The following RGMA variants were observed in gnomAD, a reference collection of about 807,000 sequenced individuals.
The protein encoded by RGMA is repulsive guidance molecule A.
In RGMA, 10 loss-of-function variants were observed where a neutral mutation model predicts 23.2. The ratio of observed to expected loss-of-function variants is 0.43; its 90% CI spans 0.27 to 0.73. RGMA has a LOEUF of 0.73. RGMA is among the 30% of genes least tolerant of loss of function. RGMA has a pLI of 0.20. For missense variants in RGMA, 547 were observed against 630.5 expected (o/e 0.87, Z 1.42); for synonymous variants, 308 against 279.3 (o/e 1.10, Z -1.03).
chr15:93,053,507 G>C (rs560821437), intron 2 of RGMA, among the ~76,000 whole-genome samples: 14 of 152,344 alleles, frequency 9.2e-5, no homozygotes, highest in Non-Finnish European at 1.6e-4. Flanking sequence ...CAGCACTCTT[G>C]TCTGGGCCAC....
Position 93,038,626 on chromosome 15 carries a change from G to A in RGMA, c.*6372C>T, listed in dbSNP as rs539881187. On this transcript the variant is annotated 3_prime_UTR_variant, in exon 4 of 4. Coordinates refer to ENST00000329082, the MANE Select transcript of RGMA (RefSeq NM_020211.3). ...TCTGTCGCCCAGGCTGGAGGCTGGAGTGCAGTGGTGCGATCTCTGCTTGCT... is the reference window on the plus strand; with the variant it reads ...TCTGTCGCCCAGGCTGGAGGCTGGAATGCAGTGGTGCGATCTCTGCTTGCT... The A allele has an allele frequency of 6.9e-6, 1 of 145,262 alleles. No individual in the cohort carries two copies. The highest frequency in any genetic ancestry group is 1.5e-5 in the Non-Finnish European group (1 of 65,792). 9.0% of individuals were successfully genotyped at this position (145,262 alleles called of 1,614,324 possible). A position where few individuals can be genotyped will look rare whatever the true frequency, so the allele number is the denominator to read the frequency against.
chr15:93,079,787 T>C (rs913589526), intron 1 of RGMA, among the ~76,000 whole-genome samples: 1 of 152,062 alleles, frequency 6.6e-6, no homozygotes, highest in Non-Finnish European at 1.5e-5. Flanking sequence ...GCCACTGCAC[T>C]CCAGCATGGG....
At chr15:93,083,380 T>C (rs563397308) in intron 1 of RGMA, among the ~76,000 whole-genome samples, 27 of 152,038 alleles carry the variant, frequency 1.8e-4, no homozygotes, top group African/African-American at 6.0e-4. Flanking sequence ...CAGGCTGGAG[T>C]GTAATGGCAT....
chr15:93,077,424 C>T (rs560126049), intron 1 of RGMA, among the ~76,000 whole-genome samples: 3 of 152,350 alleles, frequency 2.0e-5, no homozygotes, highest in East Asian at 1.9e-4. Flanking sequence ...CTATCAATCT[C>T]GGGCCCATGC....
At chr15:93,061,374 T>C (rs1386687080) in intron 2 of RGMA, among the ~76,000 whole-genome samples, 2 of 152,202 alleles carry the variant, frequency 1.3e-5, no homozygotes, top group Non-Finnish European at 2.9e-5. Context: ...GGCCACGAAC[T>C]CCTGAGCTCA....
intron 1 of RGMA, among the ~76,000 whole-genome samples, chr15:93,085,965 A>G (rs1895628593): frequency 6.6e-6 from 1 of 152,216 alleles, no homozygotes; most frequent in Non-Finnish European, 1.5e-5. Flanking sequence ...CCACTGCCCT[A>G]TTCATTGCTC....
In RGMA at chr15:93,038,038, G is replaced by A. The variant is rs530696585; in HGVS notation, c.*6960C>T. 36 of 152,350 alleles carry A rather than the reference G, an allele frequency of 2.4e-4. No individual in the cohort carries two copies. The highest frequency in any genetic ancestry group is 8.2e-4 in the African/African-American group (34 of 41,578). 9.4% of individuals were successfully genotyped at this position (152,350 alleles called of 1,614,324 possible). A position where few individuals can be genotyped will look rare whatever the true frequency, so the allele number is the denominator to read the frequency against. On this transcript the variant is annotated 3_prime_UTR_variant, in exon 4 of 4. Coordinates refer to ENST00000329082, the MANE Select transcript of RGMA (RefSeq NM_020211.3). Reference sequence around the variant, plus strand: ...GTTAGTTTCTGTTCCTTTGCCTTCAGGGTTCTGCTACTAACACCATGTCTA... The same window carrying A: ...GTTAGTTTCTGTTCCTTTGCCTTCAAGGTTCTGCTACTAACACCATGTCTA...
rs1391781991 is a variant in RGMA, at chr15:93,036,316, AGGG to A, written c.*8679_*8681del. The A allele has an allele frequency of 6.6e-6, 1 of 152,282 alleles. No homozygotes were observed. Among genetic ancestry groups the A allele is most frequent in the Non-Finnish European group, 1.5e-5 (1 of 68,064 alleles). 9.4% of individuals were successfully genotyped at this position (152,282 alleles called of 1,614,324 possible). A position where few individuals can be genotyped will look rare whatever the true frequency, so the allele number is the denominator to read the frequency against. The stretch of plus-strand genomic sequence containing the variant: ...CTACAAATGTTTGTGCCAGGAAGGA[AGGG>A]AAGAAGGACTCCTCTTGTTTTATGC... On this transcript the variant is annotated 3_prime_UTR_variant, in exon 4 of 4. Transcript: ENST00000329082.
chr15:93,073,463 G>A (rs544601845), intron 1 of RGMA: 5 of 1,054,334 alleles, frequency 4.7e-6, no homozygotes, highest in East Asian at 2.7e-5. Flanking sequence ...ACCCTTGGGA[G>A]GCCGCAGGGC....
intron 1 of RGMA, among the ~76,000 whole-genome samples, chr15:93,086,665 G>T (rs1488762424): frequency 6.6e-6 from 1 of 152,104 alleles, no homozygotes; most frequent in Admixed American, 6.6e-5. Flanking sequence ...TGGAAGAATG[G>T]CTGAAAAACT....
chr15:93,079,713 C>T (rs964241615), intron 1 of RGMA, among the ~76,000 whole-genome samples: 4 of 152,014 alleles, frequency 2.6e-5, no homozygotes, highest in African/African-American at 9.7e-5. Context: ...CCAGCTACTT[C>T]GGAGGCTGAG....
chr15:93,063,416 G>C (rs1895036399), intron 2 of RGMA, among the ~76,000 whole-genome samples: 1 of 152,234 alleles, frequency 6.6e-6, no homozygotes, highest in South Asian at 2.1e-4. Flanking sequence ...TCTCACAGGG[G>C]ACAGGAACAG....
At chr15:93,082,691 TAAG>T (rs1289022112) in intron 1 of RGMA, among the ~76,000 whole-genome samples, 2 of 152,210 alleles carry the variant, frequency 1.3e-5, no homozygotes, top group Non-Finnish European at 2.9e-5. Context: ...AAAAACTTTT[TAAG>T]AAGAGAAAAA....
intron 1 of RGMA, among the ~76,000 whole-genome samples, chr15:93,086,984 AC>A (rs1466329916): frequency 6.6e-6 from 1 of 152,230 alleles, no homozygotes; most frequent in African/African-American, 2.4e-5. Context: ...TGACATAAAT[AC>A]CTACCAATGG....
chr15:93,046,223 G>A (rs1337842569), intron 3 of RGMA, among the ~76,000 whole-genome samples: 2 of 152,154 alleles, frequency 1.3e-5, no homozygotes, highest in Non-Finnish European at 2.9e-5. Flanking sequence ...TTTATAAGAA[G>A]GAGGCAGAGG....
At chr15:93,088,609 C>A in intron 1 of RGMA, 1 of 1,062,824 alleles carries the variant, frequency 9.4e-7, no homozygotes. Context: ...GCGAGCCGGG[C>A]TGAGGGAAGG....
Position 93,088,186 on chromosome 15 carries a change from T to C in RGMA, c.14+733A>G, listed in dbSNP as rs575743111. 36 of 828,572 alleles carry C rather than the reference T, an allele frequency of 4.3e-5. No individual in the cohort carries two copies. The African/African-American group carries it at 5.0e-4, about 11-fold the overall frequency. The allele number at this position is 828,572 out of a possible 1,614,324, so 51.3% of individuals were successfully genotyped here. The stretch of plus-strand genomic sequence containing the variant: ...CTACCTCCGAGCAAGTCTAATACAA[T>C]TACATTAATAAGACGCAATCCCGAA... On this transcript the variant is annotated intron_variant, in intron 1 of 3. Transcript: ENST00000329082.
Position 93,044,650 on chromosome 15 carries a change from A to AG in RGMA, c.*347dup, listed in dbSNP as rs770854914. ...CGGCCGGGCCTTTCAGTGCATTGCG[A>AG]GGGGGAAGGAGCTGACTCTGACGGT... On this transcript the variant is annotated 3_prime_UTR_variant, in exon 4 of 4. Coordinates refer to ENST00000329082, the MANE Select transcript of RGMA (RefSeq NM_020211.3). 3.4e-6 allele frequency: 1 copy of AG among 296,026 alleles called. No homozygotes were observed. The highest frequency in any genetic ancestry group is 6.4e-5 in the Admixed American group (1 of 15,704). The allele number at this position is 296,026 out of a possible 1,614,324, so 18.3% of individuals were successfully genotyped here.
rs1596077294 is a variant in RGMA at position 93,045,145 on chromosome 15, C to T, written c.1206G>A (p.Lys402=). The change falls in exon 4 of 4, where the codon AAG becomes AAA. Residue 402 remains lysine (K), a synonymous_variant. Coordinates refer to ENST00000329082, the MANE Select transcript of RGMA (RefSeq NM_020211.3). This position sits in a 1 kb window ranked among gnomAD's most constrained non-coding sequence, Gnocchi z 6.9. ...GTTTGTCTTTGTTGGAGTGGAGCAT[C>T]TTGACATCCTCCAACGCGTAGTAGG... ...LAAYYALEDV[K]MLHSNKDKLH... The T allele has an allele frequency of 6.2e-7, 1 of 1,602,720 alleles. No homozygotes were observed. The highest frequency in any genetic ancestry group is 1.3e-5 in the African/African-American group (1 of 74,858).
Sources: gnomAD v4.1 joint callset for allele counts (sites outside exome capture counted in the v4.1 genomes callset) on GRCh38, gnomAD v4.1.1 for gene constraint, Gnocchi (gnomAD v3.1) non-coding constraint, MANE v1.5 for transcripts, NCBI Gene and HGNC (gene_info 2026-07-23, HGNC 2026-07-21) for gene names.